Variants in PPIL6 observed in about 807,000 individuals in gnomAD.
PPIL6 encodes peptidylprolyl isomerase like 6.
PPIL6 carries 39 observed loss-of-function variants against 36.8 expected under a neutral mutation model. That is an observed-to-expected ratio of 1.06 (90% CI 0.82 to 1.38). PPIL6 has a LOEUF of 1.38. Among genes scored for constraint, PPIL6 ranks in the 40% most tolerant of loss-of-function variants. The pLI, the probability that PPIL6 is intolerant of heterozygous loss-of-function variation, is 0.00. For synonymous variants in PPIL6, 123 were observed against 134.1 expected, an observed-to-expected ratio of 0.92 and a Z score of 0.57; for missense variants, 368 against 379.1, an observed-to-expected ratio of 0.97 and a Z score of 0.24.
At chr6:109,403,130 T>C in intron 6 of PPIL6, 1 of 1,441,688 alleles carries the variant, frequency 6.9e-7, no homozygotes, top group South Asian at 1.4e-5. Context: ...GAGCTATAAT[T>C]TAAATTTAAA....
rs1772142711 is a variant in PPIL6, at chr6:109,392,809, A to C, written c.*17T>G. ...ATACAAAGTAATAAATTATCACAGAAAATATTGATATGAAAATCAAGCATA... is the reference window on the plus strand; with the variant it reads ...ATACAAAGTAATAAATTATCACAGACAATATTGATATGAAAATCAAGCATA... On this transcript the variant is annotated 3_prime_UTR_variant, in exon 8 of 8. Coordinates refer to ENST00000521072, the MANE Select transcript of PPIL6 (RefSeq NM_173672.5). 7.7e-7 allele frequency: 1 copy of C among 1,295,944 alleles called. No individual in the cohort carries two copies. Among genetic ancestry groups the C allele is most frequent in the Non-Finnish European group, 1.1e-6 (1 of 911,738 alleles). 80.3% of individuals were successfully genotyped at this position (1,295,944 alleles called of 1,614,324 possible).
intron 7 of PPIL6, among the ~76,000 whole-genome samples, chr6:109,397,929 G>A (rs1772366170): frequency 6.7e-6 from 1 of 148,832 alleles, no homozygotes; most frequent in Non-Finnish European, 1.5e-5. Context: ...GTCTCACCCT[G>A]TCGTCAGACT....
chr6:109,440,634 G>A (rs1356890561), upstream of PPIL6: 3 of 1,195,864 alleles, frequency 2.5e-6, no homozygotes, highest in Admixed American at 4.5e-5. Context: ...ACTGCGCGTC[G>A]CTCCGGCAAC....
intron 1 of PPIL6, 71 bp downstream of exon 1, chr6:109,440,385 G>C: frequency 6.7e-7 from 1 of 1,499,460 alleles, no homozygotes; most frequent in Non-Finnish European, 9.0e-7. Flanking sequence ...GAGGCGCGGC[G>C]CCTGCAGTCC....
At chr6:109,440,273 C>G in intron 1 of PPIL6, 183 bp downstream of exon 1, 3 of 756,216 alleles carry the variant, frequency 4.0e-6, no homozygotes, top group Non-Finnish European at 6.7e-6. Flanking sequence ...CCCGCACTTG[C>G]CCCCCTATAC....
At chr6:109,430,967 G>A (rs974226755) in intron 3 of PPIL6, among the ~76,000 whole-genome samples, 190 bp downstream of exon 3, 27 of 152,142 alleles carry the variant, frequency 1.8e-4, no homozygotes, top group African/African-American at 5.6e-4. Flanking sequence ...TGCAGCCCAC[G>A]GGCTGTGAGA....
chr6:109,423,642 C>A (rs986776818), intron 5 of PPIL6, among the ~76,000 whole-genome samples: 1 of 151,724 alleles, frequency 6.6e-6, no homozygotes, highest in African/African-American at 2.4e-5. Flanking sequence ...ATATATATAT[C>A]TTTTAGTCTT....
chr6:109,413,271 A>C lies in PPIL6; in HGVS notation c.688+5916T>G, dbSNP rs1393313206. Among the ~76,000 whole-genome samples the C allele has an allele frequency of 1.3e-5, 2 of 152,178 alleles. No individual in the cohort carries two copies. The highest frequency in any genetic ancestry group is 2.9e-5 in the Non-Finnish European group (2 of 68,032). ...AGCTCAAACAACTCTACAGGAAAAA[A>C]CCTAATAATCAGATTATAAAATGGG... On this transcript the variant is annotated intron_variant, in intron 6 of 7. Coordinates refer to ENST00000521072, the MANE Select transcript of PPIL6 (RefSeq NM_173672.5). The surrounding 1 kb of genome is among the most constrained non-coding windows in gnomAD (Gnocchi z 4.6).
At chr6:109,404,654 T>C (rs892828945) in intron 6 of PPIL6, among the ~76,000 whole-genome samples, 5 of 152,224 alleles carry the variant, frequency 3.3e-5, no homozygotes, top group African/African-American at 1.2e-4. Flanking sequence ...ATTTTATGAA[T>C]GACTAAAGGA....
At chr6:109,398,999 G>A (rs1215996025) in intron 7 of PPIL6, among the ~76,000 whole-genome samples, 3 of 152,156 alleles carry the variant, frequency 2.0e-5, no homozygotes, top group South Asian at 2.1e-4. Context: ...CTGGAGTGCA[G>A]TGGCACAATC....
rs749949559 is a variant in PPIL6 at position 109,440,523 on chromosome 6, G to T, written c.68C>A (p.Pro23Gln). Residue 23 changes from proline to glutamine, a missense_variant, in exon 1 of 8, where the codon CCG (proline) becomes CAG (glutamine). Coordinates refer to ENST00000521072, the MANE Select transcript of PPIL6 (RefSeq NM_173672.5). Reference protein sequence around the residue: ...RCGSPSLPERPLQVKVVGLFS... With the variant: ...RCGSPSLPERQLQVKVVGLFS... ...GAGCCCCACCACCTTCACCTGCAGC[G>T]GCCGCTCCGGCAGCGACGGCGAGCC... 1.3e-6 allele frequency: 2 copies of T among 1,506,272 alleles called. No individual in the cohort carries two copies. The highest frequency in any genetic ancestry group is 1.3e-5 in the South Asian group (1 of 79,834). 93.3% of individuals were successfully genotyped at this position (1,506,272 alleles called of 1,614,324 possible).
intron 1 of PPIL6, among the ~76,000 whole-genome samples, chr6:109,437,548 C>CTTTTTTTT (rs71551374): frequency 4.1e-5 from 4 of 97,954 alleles, no homozygotes; most frequent in East Asian, 3.1e-4. Flanking sequence ...TATTTCTTTT[C>CTTTTTTTT]TTTTTTTTTT....
chr6:109,440,964 C>T, upstream of PPIL6: 3 of 669,782 alleles, frequency 4.5e-6, no homozygotes, highest in Non-Finnish European at 7.4e-6. Flanking sequence ...ACGCGGGAGT[C>T]GGGCCCGACC....
chr6:109,437,839 G>T (rs1157754056), intron 1 of PPIL6, among the ~76,000 whole-genome samples: 2 of 152,064 alleles, frequency 1.3e-5, no homozygotes, highest in South Asian at 2.1e-4. Flanking sequence ...CGAAGTGCTG[G>T]GATTACAGGC....
At chr6:109,408,555 A>G (rs1206549694) in intron 6 of PPIL6, among the ~76,000 whole-genome samples, 1 of 152,222 alleles carries the variant, frequency 6.6e-6, no homozygotes, top group Non-Finnish European at 1.5e-5. Context: ...CATCTAAGAT[A>G]TATGCATTTT....
At chr6:109,440,683 C>T, upstream of PPIL6, 1 of 1,023,672 alleles carries the variant, frequency 9.8e-7, no homozygotes, top group Non-Finnish European at 1.2e-6. Context: ...GAGGCGGGGC[C>T]CAGGGGCGGG....
intron 6 of PPIL6, among the ~76,000 whole-genome samples, chr6:109,406,431 T>A (rs1359785988): frequency 1.3e-5 from 2 of 152,072 alleles, no homozygotes; most frequent in African/African-American, 2.4e-5. Flanking sequence ...GGCAGCTGAG[T>A]CCAGAGGCTT....
At chr6:109,402,319 T>G (rs1191624750) in intron 6 of PPIL6, among the ~76,000 whole-genome samples, 2 of 152,038 alleles carry the variant, frequency 1.3e-5, no homozygotes, top group African/African-American at 4.8e-5. Context: ...GTGGGTCGCT[T>G]GAGGCCAGGA....
chr6:109,423,024 T>A (rs981148162), intron 5 of PPIL6, among the ~76,000 whole-genome samples: 1 of 152,330 alleles, frequency 6.6e-6, no homozygotes, highest in Non-Finnish European at 1.5e-5. Flanking sequence ...CACTTTTTTT[T>A]ACAAGGGAAC....
Sources: gnomAD v4.1 joint callset for allele counts (sites outside exome capture counted in the v4.1 genomes callset) on GRCh38, gnomAD v4.1.1 for gene constraint, Gnocchi (gnomAD v3.1) non-coding constraint, MANE v1.5 for transcripts, NCBI Gene and HGNC (gene_info 2026-07-23, HGNC 2026-07-21) for gene names.